The following CSMD1 variants were observed in gnomAD, a reference collection of about 807,000 sequenced individuals.
CSMD1 encodes the protein CUB and sushi domain-containing protein 1.
CSMD1 carries 213 observed loss-of-function variants against 417.5 expected under a neutral mutation model. The ratio of observed to expected loss-of-function variants is 0.51; its 90% CI spans 0.46 to 0.57. The LOEUF (loss-of-function observed/expected upper bound fraction) is 0.57, where lower values mean the gene tolerates loss of function less well. CSMD1 is among the 20% of genes least tolerant of loss of function. The pLI is 0.00. For synonymous variants in CSMD1, 2,862 were observed against 1,736.8 expected (o/e 1.65, Z -16.11); for missense variants, 6,923 against 4,529.7 (o/e 1.53, Z -15.17).
chr8:3,700,180 A>G (rs1402825897), intron 7 of CSMD1, among the ~76,000 whole-genome samples: 1 of 152,212 alleles, frequency 6.6e-6, no homozygotes, highest in Admixed American at 6.5e-5. Context: ...TAATGGGTGC[A>G]CCAACATCTC....
intron 26 of CSMD1, among the ~76,000 whole-genome samples, chr8:3,276,410 C>G (rs1006238325): frequency 6.6e-6 from 1 of 152,210 alleles, no homozygotes; most frequent in African/African-American, 2.4e-5. Flanking sequence ...ATTCGTTCAT[C>G]TTGGCTTCTC....
chr8:4,081,160 C>A (rs1171795059), intron 3 of CSMD1, among the ~76,000 whole-genome samples: 1 of 152,140 alleles, frequency 6.6e-6, no homozygotes, highest in African/African-American at 2.4e-5. Flanking sequence ...CAGCCTCCAG[C>A]ATTGTGATAA....
At chr8:4,320,257 G>A (rs1267464268) in intron 3 of CSMD1, among the ~76,000 whole-genome samples, 1 of 152,104 alleles carries the variant, frequency 6.6e-6, no homozygotes, top group Non-Finnish European at 1.5e-5. Flanking sequence ...AGGAAAATAA[G>A]ACCCACAACA....
intron 1 of CSMD1, among the ~76,000 whole-genome samples, chr8:4,889,579 G>T (rs995384605): frequency 1.3e-5 from 2 of 151,880 alleles, no homozygotes; most frequent in Non-Finnish European, 2.9e-5. Context: ...CTATAAGTGT[G>T]AAATGTCAAA....
chr8:3,785,231 GT>G (rs1421214418), intron 5 of CSMD1, among the ~76,000 whole-genome samples: 3 of 152,224 alleles, frequency 2.0e-5, no homozygotes, highest in Non-Finnish European at 4.4e-5. Context: ...ATCCATCACA[GT>G]TTGTGAAATG....
At chr8:4,472,018 A>G (rs1001253841) in intron 2 of CSMD1, among the ~76,000 whole-genome samples, 1 of 152,188 alleles carries the variant, frequency 6.6e-6, no homozygotes, top group Non-Finnish European at 1.5e-5. Flanking sequence ...CATTTCTTCC[A>G]ATTTTTTAAC....
intron 2 of CSMD1, among the ~76,000 whole-genome samples, chr8:4,435,145 ATAT>A (rs1312916829): frequency 6.6e-6 from 1 of 152,196 alleles, no homozygotes; most frequent in Non-Finnish European, 1.5e-5. Flanking sequence ...TATCAGTAAT[ATAT>A]TATTTTTATA....
intron 3 of CSMD1, among the ~76,000 whole-genome samples, chr8:4,418,183 A>G (rs976028648): frequency 2.0e-5 from 3 of 152,068 alleles, no homozygotes; most frequent in Non-Finnish European, 4.4e-5. Context: ...TCAGACTATA[A>G]TATCACCATT....
chr8:3,893,701 C>A (rs1014733648), intron 5 of CSMD1, among the ~76,000 whole-genome samples: 2 of 151,780 alleles, frequency 1.3e-5, no homozygotes, highest in East Asian at 1.9e-4. Flanking sequence ...CCGCAGCAAC[C>A]GTGGTAACAA....
chr8:4,484,577 C>G (rs908432665), intron 2 of CSMD1, among the ~76,000 whole-genome samples: 7 of 152,098 alleles, frequency 4.6e-5, no homozygotes, highest in African/African-American at 1.4e-4. Context: ...TCATCACTCG[C>G]TCTCTCAGGT....
chr8:3,255,449 G>C (rs992762153), intron 26 of CSMD1, among the ~76,000 whole-genome samples: 2 of 152,218 alleles, frequency 1.3e-5, no homozygotes, highest in African/African-American at 2.4e-5. Flanking sequence ...TTTGTTGTCT[G>C]TGCCCTGCCC....
chr8:3,617,750 A>T (rs1055493720), intron 7 of CSMD1, among the ~76,000 whole-genome samples: 27 of 152,238 alleles, frequency 1.8e-4, no homozygotes, highest in African/African-American at 6.3e-4. Context: ...GCAGAAAATC[A>T]ACCAATTTAG....
At chr8:4,243,267 T>C (rs772541498) in intron 3 of CSMD1, among the ~76,000 whole-genome samples, 4 of 152,158 alleles carry the variant, frequency 2.6e-5, no homozygotes, top group Non-Finnish European at 5.9e-5. Flanking sequence ...TTTTCTTACC[T>C]AGTCTCATGA....
intron 2 of CSMD1, among the ~76,000 whole-genome samples, chr8:4,497,697 A>C (rs924375567): frequency 6.6e-6 from 1 of 152,180 alleles, no homozygotes; most frequent in African/African-American, 2.4e-5. Context: ...GGCAGAGCAT[A>C]AATAGTGTGC....
At chr8:3,896,516 A>AT (rs1169310499) in intron 5 of CSMD1, among the ~76,000 whole-genome samples, 1 of 151,702 alleles carries the variant, frequency 6.6e-6, no homozygotes, top group Non-Finnish European at 1.5e-5. Flanking sequence ...TATTATTATT[A>AT]TTATTATTAT....
chr8:4,586,338 G>C (rs1799698583), intron 2 of CSMD1, among the ~76,000 whole-genome samples: 2 of 152,168 alleles, frequency 1.3e-5, no homozygotes, highest in African/African-American at 4.8e-5. Flanking sequence ...CTAATTGCTT[G>C]TGTAGAGATA....
At chr8:3,518,068 G>A (rs1034757160) in intron 10 of CSMD1, among the ~76,000 whole-genome samples, 1 of 151,812 alleles carries the variant, frequency 6.6e-6, no homozygotes, top group Non-Finnish European at 1.5e-5. Flanking sequence ...CAAGTGTTTA[G>A]AAAATGTGAT....
At chr8:3,900,740 G>T (rs1430352161) in intron 5 of CSMD1, among the ~76,000 whole-genome samples, 1 of 152,060 alleles carries the variant, frequency 6.6e-6, no homozygotes, top group Non-Finnish European at 1.5e-5. Context: ...ATAGCTAGCT[G>T]CCACCGCAAC....
chr8:4,404,514 C>CA (rs796149976), intron 3 of CSMD1, among the ~76,000 whole-genome samples: 6 of 151,956 alleles, frequency 3.9e-5, no homozygotes, highest in African/African-American at 1.4e-4. Flanking sequence ...CAGTGGGGGG[C>CA]AAAAAATAAG....
Sources: gnomAD v4.1 joint callset for allele counts (sites outside exome capture counted in the v4.1 genomes callset) on GRCh38, gnomAD v4.1.1 for gene constraint, MANE v1.5 for transcripts, NCBI Gene and HGNC (gene_info 2026-07-23, HGNC 2026-07-21) for gene names.